The following CADPS variants were observed in gnomAD, a reference collection of about 807,000 sequenced individuals.
CADPS encodes the protein calcium-dependent secretion activator 1.
CADPS carries 57 observed loss-of-function variants against 167.3 expected under a neutral mutation model. That is an observed-to-expected ratio of 0.34 (90% CI 0.28 to 0.42). CADPS has a LOEUF of 0.42. Among genes scored for constraint, CADPS ranks in the 20% least tolerant of loss-of-function variants. The pLI, the probability that CADPS is intolerant of heterozygous loss-of-function variation, is 1.00. For missense variants in CADPS, 1,414 were observed against 1,738.1 expected (o/e 0.81, Z 3.32); for synonymous variants, 676 against 635.3 (o/e 1.06, Z -0.96).
At chr3:62,621,833 A>G (rs2063221280) in intron 6 of CADPS, among the ~76,000 whole-genome samples, 2 of 151,404 alleles carry the variant, frequency 1.3e-5, no homozygotes, top group African/African-American at 4.9e-5. Flanking sequence ...AAGTGAGAAC[A>G]TGAGGTATTT....
chr3:62,444,315 C>G (rs940644402), intron 27 of CADPS, among the ~76,000 whole-genome samples: 1 of 152,224 alleles, frequency 6.6e-6, no homozygotes, highest in African/African-American at 2.4e-5. Flanking sequence ...CATCACACTA[C>G]CACCACCACG....
chr3:62,410,324 T>G (rs933401515), intron 28 of CADPS, among the ~76,000 whole-genome samples: 1 of 152,228 alleles, frequency 6.6e-6, no homozygotes, highest in Non-Finnish European at 1.5e-5. Context: ...CCTTTGAAAC[T>G]GGCATGTTCA....
intron 3 of CADPS, among the ~76,000 whole-genome samples, chr3:62,667,425 C>T (rs555810434): frequency 6.5e-4 from 99 of 152,036 alleles, no homozygotes; most frequent in African/African-American, 2.2e-3. Flanking sequence ...AAAGTCGTGA[C>T]CTCTCGGTGC....
At chr3:62,869,357 T>C (rs1415465420) in intron 1 of CADPS, among the ~76,000 whole-genome samples, 3 of 152,112 alleles carry the variant, frequency 2.0e-5, no homozygotes, top group Non-Finnish European at 4.4e-5. Context: ...TTTTTTGATT[T>C]AGCCACTTGT....
At chr3:62,546,562 T>C (rs2076485425) in intron 11 of CADPS, among the ~76,000 whole-genome samples, 2 of 152,186 alleles carry the variant, frequency 1.3e-5, no homozygotes, top group Admixed American at 1.3e-4. Context: ...CTTACTCCAC[T>C]AACAATTATG....
chr3:62,399,421 G>T lies in CADPS; in HGVS notation c.4047C>A (p.Asp1349Glu), dbSNP rs780719627. 6.2e-6 allele frequency: 10 copies of T among 1,614,086 alleles called. No homozygotes were observed. The highest frequency in any genetic ancestry group is 7.6e-6 in the Non-Finnish European group (9 of 1,179,960). ...GISMKDSDEE[D>E]EEDD The stretch of plus-strand genomic sequence containing the variant: ...ACCAAATGGTCTAATCGTCTTCTTC[G>T]TCTTCCTCATCGCTGTCCTTCATGC... The change falls in exon 30 of 30, where the codon GAC (aspartate) becomes GAA (glutamate). Residue 1349 changes from aspartate to glutamate, a missense_variant. Asp to Glu is a conservative substitution (Grantham distance 45). This residue lies in a region of CADPS where 185 missense variants were observed against 251.5 expected (regional missense o/e 0.74). Transcript: ENST00000383710. This position sits in a 1 kb window ranked among gnomAD's most constrained non-coding sequence, Gnocchi z 5.6.
chr3:62,822,702 C>T (rs780079760), intron 1 of CADPS, among the ~76,000 whole-genome samples: 34 of 151,898 alleles, frequency 2.2e-4, no homozygotes, highest in Non-Finnish European at 3.7e-4. Flanking sequence ...ATTAGCTGGG[C>T]GTGGTAGCGC....
intron 3 of CADPS, among the ~76,000 whole-genome samples, chr3:62,721,415 C>A (rs1305298510): frequency 6.6e-6 from 1 of 152,030 alleles, no homozygotes; most frequent in Non-Finnish European, 1.5e-5. Context: ...TGTCCTTGAA[C>A]CCAGACAACA....
At chr3:62,643,473 C>T (rs1309936744) in intron 6 of CADPS, among the ~76,000 whole-genome samples, 1 of 152,190 alleles carries the variant, frequency 6.6e-6, no homozygotes, top group Non-Finnish European at 1.5e-5. Context: ...TGTTTCTGTA[C>T]ATAGACATCA....
At chr3:62,584,824 G>A (rs1304822651) in intron 8 of CADPS, among the ~76,000 whole-genome samples, 5 of 152,204 alleles carry the variant, frequency 3.3e-5, no homozygotes, top group African/African-American at 7.2e-5. Flanking sequence ...GCTGATTGAG[G>A]TGCAAGTGAG....
intron 21 of CADPS, among the ~76,000 whole-genome samples, chr3:62,485,627 G>A (rs533478945): frequency 6.6e-6 from 1 of 150,922 alleles, no homozygotes; most frequent in Admixed American, 6.6e-5. Flanking sequence ...ACCCTCATCT[G>A]GGGAAACATC....
intron 6 of CADPS, among the ~76,000 whole-genome samples, chr3:62,641,665 G>A (rs1008275616): frequency 1.1e-4 from 16 of 152,090 alleles, no homozygotes; most frequent in African/African-American, 3.9e-4. Context: ...AGACAATATT[G>A]TAAAATAAGT....
At chr3:62,698,223 T>C (rs1345772474) in intron 3 of CADPS, among the ~76,000 whole-genome samples, 1 of 152,160 alleles carries the variant, frequency 6.6e-6, no homozygotes, top group African/African-American at 2.4e-5. Context: ...ATGCAATAAA[T>C]GCTCTAAAAT....
Position 62,399,111 on chromosome 3 carries a change from A to G in CADPS, c.*295T>C, listed in dbSNP as rs1704995314. 1 of 292,722 alleles carries G rather than the reference A, an allele frequency of 3.4e-6. No individual in the cohort carries two copies. The highest frequency in any genetic ancestry group is 2.1e-5 in the African/African-American group (1 of 46,762). 18.1% of individuals were successfully genotyped at this position (292,722 alleles called of 1,614,324 possible). ...ATAGTACATGAATGAAGCATCATTG[A>G]TCTTTGCTGATAACAGGGACACGCC... is the stretch of plus-strand genomic sequence containing the variant. On this transcript the variant is annotated 3_prime_UTR_variant, in exon 30 of 30. Coordinates refer to ENST00000383710, the MANE Select transcript of CADPS (RefSeq NM_003716.4). The surrounding 1 kb of genome is among the most constrained non-coding windows in gnomAD (Gnocchi z 5.6).
intron 28 of CADPS, among the ~76,000 whole-genome samples, chr3:62,424,823 G>A (rs1461505161): frequency 1.3e-5 from 2 of 152,196 alleles, no homozygotes; most frequent in Non-Finnish European, 2.9e-5. Flanking sequence ...CTTAATTCAT[G>A]TTTTTGAGTT....
intron 1 of CADPS, among the ~76,000 whole-genome samples, chr3:62,818,406 G>T (rs1322211444): frequency 6.6e-6 from 1 of 152,112 alleles, no homozygotes; most frequent in Non-Finnish European, 1.5e-5. Context: ...CCTCAGAAAG[G>T]CAGGTGCACG....
chr3:62,869,122 A>G (rs950333396), intron 1 of CADPS, among the ~76,000 whole-genome samples: 4 of 152,248 alleles, frequency 2.6e-5, no homozygotes, highest in East Asian at 3.9e-4. Flanking sequence ...AAGTGCTTCA[A>G]TGAGCATTTC....
At chr3:62,610,252 TTTTC>T (rs780519940) in intron 6 of CADPS, among the ~76,000 whole-genome samples, 5 of 151,792 alleles carry the variant, frequency 3.3e-5, no homozygotes, top group African/African-American at 1.2e-4. Context: ...CTTTTCTTTC[TTTTC>T]TTTCTTTCTT....
chr3:62,661,242 T>A (rs2073132663), intron 4 of CADPS, among the ~76,000 whole-genome samples: 1 of 152,126 alleles, frequency 6.6e-6, no homozygotes. Flanking sequence ...AAATAAATGA[T>A]CACCATTCGA....
Sources: allele counts gnomAD v4.1 joint callset (sites outside exome capture counted in the v4.1 genomes callset), GRCh38; gene constraint gnomAD v4.1.1; regional missense constraint gnomAD v4.1.1; non-coding constraint Gnocchi (gnomAD v3.1); transcripts MANE v1.5; gene names NCBI Gene and HGNC (gene_info 2026-07-23, HGNC 2026-07-21).